The following WWOX variants were observed in gnomAD, a reference collection of about 807,000 sequenced individuals.
WWOX encodes WW domain-containing oxidoreductase.
Under a neutral mutation model 46.2 loss-of-function variants are expected in WWOX, and 69 were observed. The observed-to-expected ratio is 1.49, with a 90% CI of 1.23 to 1.82. The LOEUF (loss-of-function observed/expected upper bound fraction) is 1.82. Ranked by LOEUF, WWOX falls within the 40% of genes most tolerant of loss-of-function variation. The pLI is 0.00. For synonymous variants in WWOX, 359 were observed against 202.6 expected, an observed-to-expected ratio of 1.77 and a Z score of -6.56; for missense variants, 919 against 542.6, an observed-to-expected ratio of 1.69 and a Z score of -6.89.
intron 8 of WWOX, among the ~76,000 whole-genome samples, chr16:78,952,814 T>C (rs2046089061): frequency 1.3e-5 from 2 of 152,210 alleles, no homozygotes; most frequent in African/African-American, 2.4e-5. Flanking sequence ...CAAGTGTTTA[T>C]TGAATGAGTA....
intron 8 of WWOX, among the ~76,000 whole-genome samples, chr16:78,802,846 G>A (rs548401922): frequency 9.0e-5 from 13 of 144,988 alleles, no homozygotes; most frequent in African/African-American, 2.0e-4. Context: ...AACCCAGGAG[G>A]GACAGGTTGC....
intron 8 of WWOX, among the ~76,000 whole-genome samples, chr16:79,124,864 C>G (rs1303903592): frequency 6.6e-6 from 1 of 152,136 alleles, no homozygotes; most frequent in South Asian, 2.1e-4. Context: ...TGAAGGTTTG[C>G]AAAGACATCT....
At chr16:78,357,464 C>T (rs2081321096) in intron 5 of WWOX, among the ~76,000 whole-genome samples, 1 of 152,078 alleles carries the variant, frequency 6.6e-6, no homozygotes, top group Admixed American at 6.6e-5. Context: ...TTGAATCAAC[C>T]ACTTGGTCCC....
At chr16:78,612,888 C>A (rs2550581) in intron 8 of WWOX, among the ~76,000 whole-genome samples, 68,022 of 152,084 alleles carry the variant, frequency 0.45, 16,519 homozygotes, top group Middle Eastern at 0.6. Flanking sequence ...CTTAGGGTAA[C>A]ATGAGTGCTC....
chr16:78,329,483 C>T (rs8048594), intron 5 of WWOX, among the ~76,000 whole-genome samples: 54,441 of 152,084 alleles, frequency 0.36, 11,244 homozygotes, highest in East Asian at 0.61. Context: ...CTTGAGGCTT[C>T]GTGGCAAATG....
At chr16:78,919,051 C>T (rs1286921528) in intron 8 of WWOX, among the ~76,000 whole-genome samples, 2 of 152,016 alleles carry the variant, frequency 1.3e-5, no homozygotes, top group African/African-American at 2.4e-5. Context: ...TCATAGCAGC[C>T]GCTGCCAAGG....
intron 8 of WWOX, among the ~76,000 whole-genome samples, chr16:78,517,086 T>C (rs906907324): frequency 6.6e-6 from 1 of 152,270 alleles, no homozygotes; most frequent in South Asian, 2.1e-4. Flanking sequence ...CCATGTGTTT[T>C]TTATTTATGA....
chr16:78,940,303 G>C (rs1232055703), intron 8 of WWOX, among the ~76,000 whole-genome samples: 2 of 151,988 alleles, frequency 1.3e-5, no homozygotes, highest in Non-Finnish European at 2.9e-5. Flanking sequence ...CTGATTTTTT[G>C]ATTTATGAGT....
At chr16:78,822,288 G>A (rs1278927163) in intron 8 of WWOX, among the ~76,000 whole-genome samples, 1 of 152,180 alleles carries the variant, frequency 6.6e-6, no homozygotes, top group Non-Finnish European at 1.5e-5. Flanking sequence ...GAGGTCAGGA[G>A]TTCAAGCCCA....
At chr16:78,584,347 G>T (rs2045140372) in intron 8 of WWOX, among the ~76,000 whole-genome samples, 1 of 152,192 alleles carries the variant, frequency 6.6e-6, no homozygotes, top group South Asian at 2.1e-4. Context: ...GCATTTTGGA[G>T]ACCAAGCACT....
At chr16:78,880,264 A>G (rs1300323915) in intron 8 of WWOX, among the ~76,000 whole-genome samples, 1 of 152,200 alleles carries the variant, frequency 6.6e-6, no homozygotes, top group Non-Finnish European at 1.5e-5. Context: ...AGATGGAAAC[A>G]TCTAAAGGCT....
intron 8 of WWOX, among the ~76,000 whole-genome samples, chr16:78,528,352 C>A (rs931290394): frequency 4.0e-5 from 6 of 151,522 alleles, no homozygotes; most frequent in South Asian, 2.1e-4. Context: ...ATAGTCCAAC[C>A]TCCTGTACTA....
intron 8 of WWOX, among the ~76,000 whole-genome samples, chr16:78,884,128 C>G (rs1406555808): frequency 1.3e-5 from 2 of 151,800 alleles, no homozygotes; most frequent in Non-Finnish European, 2.9e-5. Context: ...AAATATTAGT[C>G]AGGCATAGTG....
At chr16:78,547,708 C>T (rs960342380) in intron 8 of WWOX, among the ~76,000 whole-genome samples, 1 of 152,184 alleles carries the variant, frequency 6.6e-6, no homozygotes, top group Admixed American at 6.5e-5. Context: ...AGATGTTCAC[C>T]TCCTTGCTAT....
chr16:78,258,330 G>A (rs947199241), intron 5 of WWOX, among the ~76,000 whole-genome samples: 1 of 152,082 alleles, frequency 6.6e-6, no homozygotes, highest in Non-Finnish European at 1.5e-5. Flanking sequence ...TTAAAAATAG[G>A]CTATATACAC....
At chr16:78,796,605 C>T (rs2050743968) in intron 8 of WWOX, among the ~76,000 whole-genome samples, 1 of 152,212 alleles carries the variant, frequency 6.6e-6, no homozygotes, top group South Asian at 2.1e-4. Flanking sequence ...TGGTCTTGTA[C>T]AAATGATACG....
intron 8 of WWOX, among the ~76,000 whole-genome samples, chr16:78,811,235 A>G (rs1422521671): frequency 6.6e-6 from 1 of 152,230 alleles, no homozygotes; most frequent in Non-Finnish European, 1.5e-5. Flanking sequence ...GGTCACTCAC[A>G]TACATAGGTG....
intron 8 of WWOX, among the ~76,000 whole-genome samples, chr16:78,841,585 T>G (rs2052151183): frequency 6.6e-6 from 1 of 152,256 alleles, no homozygotes; most frequent in Non-Finnish European, 1.5e-5. Context: ...TATGTAATGC[T>G]GCTTTCAAAA....
chr16:78,566,028 C>A (rs945121625), intron 8 of WWOX, among the ~76,000 whole-genome samples: 1 of 152,096 alleles, frequency 6.6e-6, no homozygotes, highest in African/African-American at 2.4e-5. Flanking sequence ...TCCTCACAGT[C>A]TAGAGGCTGG....
Sources: gnomAD v4.1 joint callset for allele counts (sites outside exome capture counted in the v4.1 genomes callset) on GRCh38, gnomAD v4.1.1 for gene constraint, MANE v1.5 for transcripts, NCBI Gene and HGNC (gene_info 2026-07-23, HGNC 2026-07-21) for gene names.